Variants in SETBP1 observed in about 807,000 individuals in gnomAD.
SETBP1 encodes SET binding protein 1, also known as SET-binding protein.
In SETBP1, 9 loss-of-function variants were observed where a neutral mutation model predicts 101.0. That is an observed-to-expected ratio of 0.09 (90% CI 0.05 to 0.16). The LOEUF (loss-of-function observed/expected upper bound fraction) is 0.16, where lower values mean the gene tolerates loss of function less well. Ranked by LOEUF, SETBP1 falls within the 10% of genes least tolerant of loss-of-function variation. SETBP1 has a pLI of 1.00. For missense variants in SETBP1, 1,858 were observed against 2,033.8 expected (o/e 0.91, Z 1.66); for synonymous variants, 818 against 788.5 (o/e 1.04, Z -0.63).
intron 3 of SETBP1, among the ~76,000 whole-genome samples, chr18:44,904,767 C>T (rs2070133901): frequency 6.6e-6 from 1 of 152,168 alleles, no homozygotes; most frequent in Non-Finnish European, 1.5e-5. Context: ...CTCCTTCTAC[C>T]TCATGGTTCT....
At chr18:44,885,103 C>T (rs1361173604) in intron 3 of SETBP1, among the ~76,000 whole-genome samples, 1 of 152,092 alleles carries the variant, frequency 6.6e-6, no homozygotes, top group Non-Finnish European at 1.5e-5. Flanking sequence ...AAGCTCACCA[C>T]CTTAGATTTT....
intron 3 of SETBP1, among the ~76,000 whole-genome samples, chr18:44,918,487 C>T (rs2070499932): frequency 6.6e-6 from 1 of 152,180 alleles, no homozygotes; most frequent in African/African-American, 2.4e-5. Flanking sequence ...CACTAACAAG[C>T]CATTGGACTA....
intron 2 of SETBP1, among the ~76,000 whole-genome samples, chr18:44,762,995 T>C (rs544818947): frequency 6.6e-6 from 1 of 152,314 alleles, no homozygotes; most frequent in African/African-American, 2.4e-5. Context: ...AAAGATATCA[T>C]TAGCAGGAGG....
chr18:45,022,953 A>G (rs1210988877), intron 4 of SETBP1, among the ~76,000 whole-genome samples: 3 of 152,192 alleles, frequency 2.0e-5, no homozygotes, highest in South Asian at 2.1e-4. Flanking sequence ...AGGTACTACT[A>G]TTAGTTCTAT....
chr18:44,938,263 C>G (rs2071008392), intron 3 of SETBP1, among the ~76,000 whole-genome samples: 1 of 152,190 alleles, frequency 6.6e-6, no homozygotes, highest in Admixed American at 6.5e-5. Context: ...CTGAGACGTC[C>G]CTGAACGTGA....
At chr18:44,878,158 A>AT (rs1446487463) in intron 3 of SETBP1, among the ~76,000 whole-genome samples, 2 of 152,122 alleles carry the variant, frequency 1.3e-5, no homozygotes, top group Non-Finnish European at 2.9e-5. Flanking sequence ...TTTAAACTCA[A>AT]TTTTTTCAGA....
intron 4 of SETBP1, among the ~76,000 whole-genome samples, chr18:44,970,867 C>T (rs895538180): frequency 1.4e-5 from 2 of 147,032 alleles, no homozygotes; most frequent in Non-Finnish European, 3.0e-5. Context: ...GTTTTCTTTT[C>T]TTTTTTTTTT....
At chr18:44,716,319 G>A (rs558324375) in intron 2 of SETBP1, among the ~76,000 whole-genome samples, 9 of 152,138 alleles carry the variant, frequency 5.9e-5, no homozygotes, top group African/African-American at 2.2e-4. Context: ...CCCTTGGCAG[G>A]AGGAGAAAAA....
chr18:44,743,674 A>C (rs1245175359), intron 2 of SETBP1, among the ~76,000 whole-genome samples: 2 of 152,218 alleles, frequency 1.3e-5, no homozygotes. Context: ...TTAGGGGTCA[A>C]GGGAAGACTA....
chr18:44,791,353 G>C (rs911684609), intron 2 of SETBP1, among the ~76,000 whole-genome samples: 1 of 152,112 alleles, frequency 6.6e-6, no homozygotes, highest in Non-Finnish European at 1.5e-5. Context: ...AAAGAAGATG[G>C]GAGAAGGACT....
intron 4 of SETBP1, among the ~76,000 whole-genome samples, chr18:45,021,822 G>C (rs1436580787): frequency 2.0e-5 from 3 of 151,590 alleles, no homozygotes; most frequent in African/African-American, 7.2e-5. Flanking sequence ...AATCATTTGA[G>C]CATGGGTTTA....
chr18:44,961,360 T>C (rs2071607166), intron 4 of SETBP1, among the ~76,000 whole-genome samples: 1 of 152,182 alleles, frequency 6.6e-6, no homozygotes, highest in African/African-American at 2.4e-5. Context: ...ATGTTAAACA[T>C]TATGTATTTG....
At chr18:45,058,194 AT>A (rs2073839654) in intron 5 of SETBP1, among the ~76,000 whole-genome samples, 1 of 152,234 alleles carries the variant, frequency 6.6e-6, no homozygotes, top group Non-Finnish European at 1.5e-5. Context: ...ATATAGGACA[AT>A]TGTAGGAAGG....
At chr18:45,017,818 C>T (rs889379977) in intron 4 of SETBP1, among the ~76,000 whole-genome samples, 1 of 152,254 alleles carries the variant, frequency 6.6e-6, no homozygotes, top group Non-Finnish European at 1.5e-5. Flanking sequence ...TGCGTCCCTA[C>T]CTCACTTTAG....
chr18:45,005,759 G>A (rs1480430719), intron 4 of SETBP1, among the ~76,000 whole-genome samples: 1 of 146,580 alleles, frequency 6.8e-6, no homozygotes, highest in East Asian at 2.0e-4. Flanking sequence ...CCATTCTGCT[G>A]CTGCAGCCTC....
intron 4 of SETBP1, among the ~76,000 whole-genome samples, chr18:45,031,298 A>G (rs1438549429): frequency 2.0e-5 from 3 of 152,162 alleles, no homozygotes. Context: ...TTTATTTGCA[A>G]TCTTAATTTA....
intron 4 of SETBP1, among the ~76,000 whole-genome samples, chr18:45,016,157 C>T (rs1438727713): frequency 6.6e-6 from 1 of 152,152 alleles, no homozygotes; most frequent in African/African-American, 2.4e-5. Flanking sequence ...GAGCTGTTGC[C>T]GAATTTCATA....
At chr18:44,790,836 C>T (rs1335967011) in intron 2 of SETBP1, among the ~76,000 whole-genome samples, 1 of 146,978 alleles carries the variant, frequency 6.8e-6, no homozygotes, top group Non-Finnish European at 1.5e-5. Context: ...TTTAGAGAAG[C>T]CTAAACTTTG....
At position 45,063,843 on chromosome 18, in the gene SETBP1, C is replaced by T; in HGVS notation, c.*145C>T. ...GGGCAGGCAGAATCCGGCCAGACGA[C>T]GGGGCTGAGCCATCAGGAGCTCTTG... On this transcript the variant is annotated 3_prime_UTR_variant, in exon 6 of 6. Coordinates refer to ENST00000649279, the MANE Select transcript of SETBP1 (RefSeq NM_015559.3). 2 of 861,850 alleles carry T rather than the reference C, an allele frequency of 2.3e-6. No individual in the cohort carries two copies. Among genetic ancestry groups the T allele is most frequent in the African/African-American group, 1.7e-5 (1 of 57,498 alleles). 53.4% of individuals were successfully genotyped at this position (861,850 alleles called of 1,614,324 possible). A position where few individuals can be genotyped will look rare whatever the true frequency, so the allele number is the denominator to read the frequency against.
Sources: allele counts gnomAD v4.1 joint callset (sites outside exome capture counted in the v4.1 genomes callset), GRCh38; gene constraint gnomAD v4.1.1; transcripts MANE v1.5; gene names NCBI Gene and HGNC (gene_info 2026-07-23, HGNC 2026-07-21).